MYO7A: variants seen among roughly 807,000 people sequenced by gnomAD.
MYO7A encodes unconventional myosin-VIIa.
Under a neutral mutation model 263.8 loss-of-function variants are expected in MYO7A, and 210 were observed. That is an observed-to-expected ratio of 0.80 (90% CI 0.71 to 0.89). MYO7A has a LOEUF of 0.89. Ranked by LOEUF, MYO7A falls within the 40% of genes least tolerant of loss-of-function variation. MYO7A has a pLI of 0.00. For synonymous variants in MYO7A, 1,239 were observed against 1,197.3 expected, an observed-to-expected ratio of 1.03 and a Z score of -0.72; for missense variants, 2,820 against 2,968.3, an observed-to-expected ratio of 0.95 and a Z score of 1.16.
At chr11:77,192,684 A>G (rs1246210315) in intron 31 of MYO7A, among the ~76,000 whole-genome samples, 3 of 152,066 alleles carry the variant, frequency 2.0e-5, no homozygotes, top group Non-Finnish European at 4.4e-5. Flanking sequence ...TGAGGACAGG[A>G]GTTATGTGGT....
intron 7 of MYO7A, 126 bp downstream of exon 7, chr11:77,157,130 C>T (rs1041429899): frequency 3.4e-5 from 49 of 1,451,480 alleles, no homozygotes; most frequent in Non-Finnish European, 4.6e-5. Flanking sequence ...GCCTGCTTCC[C>T]TCTGTGCTGG....
chr11:77,167,585 G>A (rs1049262771), intron 15 of MYO7A, among the ~76,000 whole-genome samples: 2 of 152,048 alleles, frequency 1.3e-5, no homozygotes, highest in African/African-American at 2.4e-5. Context: ...TGGCTCCCAC[G>A]GTGCTCTAGA....
Position 77,212,979 on chromosome 11 carries a change from A to C in MYO7A, c.6382A>C (p.Ile2128Leu). The change falls in exon 47 of 49, where the codon ATC becomes CTC. Residue 2128 changes from isoleucine to leucine, a missense_variant. Ile to Leu is a conservative substitution (Grantham distance 5). Coordinates refer to ENST00000409709, the MANE Select transcript of MYO7A (RefSeq NM_000260.4). Reference protein sequence around the residue: ...KQTTEPNFPEILLIAINKYGV... With the variant: ...KQTTEPNFPELLLIAINKYGV... ...AACTACGGAGCCAAACTTCCCTGAG[A>C]TCCTCCTAATTGCCATCAACAAGTA... is the stretch of plus-strand genomic sequence containing the variant. 2 of 1,596,270 alleles carry C rather than the reference A, an allele frequency of 1.3e-6. No homozygotes were observed. Among genetic ancestry groups the C allele is most frequent in the Non-Finnish European group, 1.7e-6 (2 of 1,170,986 alleles).
chr11:77,206,891 T>TCC (rs1218060886), intron 41 of MYO7A: 1 of 170,740 alleles, frequency 5.9e-6, no homozygotes, highest in African/African-American at 2.4e-5. Context: ...CCATTAAACT[T>TCC]CCCCAGACGC....
intron 18 of MYO7A, among the ~76,000 whole-genome samples, chr11:77,176,527 G>A (rs984201668): frequency 6.6e-6 from 1 of 152,196 alleles, no homozygotes; most frequent in Non-Finnish European, 1.5e-5. Context: ...GTCTGGGAAG[G>A]TCTGATGCCC....
chr11:77,203,857 G>A (rs1373827636), intron 38 of MYO7A, among the ~76,000 whole-genome samples: 1 of 152,196 alleles, frequency 6.6e-6, no homozygotes, highest in East Asian at 1.9e-4. Context: ...CACCATCTGG[G>A]AAGTCCATCC....
rs397516323 is a variant in MYO7A, at chr11:77,207,350, T to C, written c.5804T>C (p.Leu1935Pro). 29 of 1,612,714 alleles carry C rather than the reference T, an allele frequency of 1.8e-5. No individual in the cohort carries two copies. Among genetic ancestry groups the C allele is most frequent in the Non-Finnish European group, 2.2e-5 (26 of 1,179,460 alleles). Residue 1935 changes from leucine (L) to proline (P), a missense_variant, in exon 42 of 49, where the codon CTG (leucine) becomes CCG (proline). By Grantham distance (98) the Leu-to-Pro change is moderately conservative (BLOSUM62 -3). Coordinates refer to ENST00000409709, the MANE Select transcript of MYO7A (RefSeq NM_000260.4). ...TTCTGCCAGAACATCGCCACCAGGC[T>C]GCTCCTCAAGTCCTCAGAGGGATTC... ...KDFCQNIATRLLLKSSEGFSL... is the reference protein window; with the variant it reads ...KDFCQNIATRPLLKSSEGFSL...
At chr11:77,137,343 C>T (rs1440461419) in intron 2 of MYO7A, among the ~76,000 whole-genome samples, 2 of 152,096 alleles carry the variant, frequency 1.3e-5, no homozygotes, top group East Asian at 3.9e-4. Context: ...GCCATTCCCC[C>T]CACCCAGTCC....
rs768364790 is a variant in MYO7A at position 77,205,586 on chromosome 11, G to A, written c.5605G>A (p.Asp1869Asn). 9.3e-6 allele frequency: 15 copies of A among 1,613,342 alleles called. No individual in the cohort carries two copies. The highest frequency in any genetic ancestry group is 3.3e-5 in the South Asian group (3 of 90,946). ...QSRKHCPLAIDCLQRLQKALR... is the reference protein window; with the variant it reads ...QSRKHCPLAINCLQRLQKALR... The stretch of plus-strand genomic sequence containing the variant: ...CCGAAAGCACTGCCCACTCGCCATC[G>A]ACTGCCTGCAACGGCTCCAGAAAGC... Residue 1869 changes from aspartate to asparagine, a missense_variant, in exon 40 of 49, where the codon GAC becomes AAC. By Grantham distance (23) the Asp-to-Asn change is conservative. Coordinates refer to ENST00000409709, the MANE Select transcript of MYO7A (RefSeq NM_000260.4).
At chr11:77,203,037 T>C (rs1591474590) in intron 37 of MYO7A, 23 bp from the exon 38 acceptor site, 4 of 1,545,058 alleles carry the variant, frequency 2.6e-6, no homozygotes, top group Middle Eastern at 2.3e-4. Context: ...GGGGCGTTGC[T>C]GACGGTCCCT....
chr11:77,164,360 C>T (rs1953331781), intron 14 of MYO7A, among the ~76,000 whole-genome samples: 1 of 152,002 alleles, frequency 6.6e-6, no homozygotes, highest in African/African-American at 2.4e-5. Flanking sequence ...AGTCAAAGGC[C>T]AATTAACCCA....
intron 2 of MYO7A, among the ~76,000 whole-genome samples, chr11:77,130,977 G>A (rs1370629215): frequency 6.6e-6 from 1 of 152,248 alleles, no homozygotes; most frequent in Non-Finnish European, 1.5e-5. Context: ...GGTTGGCAAG[G>A]CTCCCAAAGC....
At chr11:77,196,691 C>G (rs1268949989) in intron 32 of MYO7A, among the ~76,000 whole-genome samples, 1 of 151,038 alleles carries the variant, frequency 6.6e-6, no homozygotes, top group Non-Finnish European at 1.5e-5. Flanking sequence ...CTCTTTGCCT[C>G]TGAATTCTCA....
At chr11:77,202,555 G>A in intron 37 of MYO7A, 131 bp downstream of exon 37, 1 of 1,250,114 alleles carries the variant, frequency 8.0e-7, no homozygotes, top group Non-Finnish European at 1.1e-6. Flanking sequence ...GAGGGAGCTG[G>A]AGGGCTGTTT....
chr11:77,209,892 G>A (rs1236336331), intron 44 of MYO7A, among the ~76,000 whole-genome samples: 1 of 151,966 alleles, frequency 6.6e-6, no homozygotes, highest in Non-Finnish European at 1.5e-5. Flanking sequence ...GCCTGGTGGT[G>A]CCACTAACTG....
chr11:77,156,930 T>G lies in MYO7A; in HGVS notation c.661T>G (p.Phe221Val). 6.2e-7 allele frequency: 1 copy of G among 1,613,980 alleles called. No homozygotes were observed. The highest frequency in any genetic ancestry group is 8.5e-7 in the Non-Finnish European group (1 of 1,179,888). ...TTTCGGAAAGTACATCGACATCCAC[T>G]TCAACAAGCGGGGCGCCATCGAGGG... ...SRFGKYIDIH[F>V]NKRGAIEGAK... The change falls in exon 7 of 49, where the codon TTC (phenylalanine) becomes GTC (valine). Residue 221 changes from phenylalanine (F) to valine (V), a missense_variant. Transcript: ENST00000409709.
intron 16 of MYO7A, among the ~76,000 whole-genome samples, 170 bp downstream of exon 16, chr11:77,173,055 G>A (rs928392556): frequency 1.8e-4 from 27 of 152,166 alleles, no homozygotes; most frequent in African/African-American, 6.3e-4. Context: ...GGAGGCAGCA[G>A]GTGCCTTGGA....
chr11:77,170,331 C>A (rs1271874244), intron 15 of MYO7A, among the ~76,000 whole-genome samples: 3 of 152,126 alleles, frequency 2.0e-5, no homozygotes, highest in East Asian at 1.9e-4. Flanking sequence ...CCCTGAGGTG[C>A]TTTGCAAGCC....
Position 77,156,730 on chromosome 11 carries a change from C to T in MYO7A, c.541C>T (p.Gln181Ter), listed in dbSNP as rs1453718975. Residue 181 changes from glutamine (Q) to a stop codon, truncating the protein, a stop_gained, in exon 6 of 49, where the codon CAG (glutamine) becomes TAG (stop). Coordinates refer to ENST00000409709, the MANE Select transcript of MYO7A (RefSeq NM_000260.4). LOFTEE classifies it high-confidence loss of function. ...ILQFLAAISGQHSWIEQQVLE... is the reference protein window; with the variant it reads ...ILQFLAAISG ...GCAGTTCCTGGCAGCCATCAGTGGGCAGCACTCGTGGATTGAGCAGCAGGT... is the reference window on the plus strand; with the variant it reads ...GCAGTTCCTGGCAGCCATCAGTGGGTAGCACTCGTGGATTGAGCAGCAGGT... 6.2e-7 allele frequency: 1 copy of T among 1,613,850 alleles called. No homozygotes were observed. The highest frequency in any genetic ancestry group is 8.5e-7 in the Non-Finnish European group (1 of 1,179,900).
Sources: gnomAD v4.1 joint callset for allele counts (sites outside exome capture counted in the v4.1 genomes callset) on GRCh38, gnomAD v4.1.1 for gene constraint, MANE v1.5 for transcripts, NCBI Gene and HGNC (gene_info 2026-07-23, HGNC 2026-07-21) for gene names.